The following FAAP100 variants were observed in gnomAD, a reference collection of about 807,000 sequenced individuals.
FAAP100 encodes Fanconi anemia core complex-associated protein 100.
FAAP100 carries 46 observed loss-of-function variants against 65.8 expected under a neutral mutation model. The ratio of observed to expected loss-of-function variants is 0.70; its 90% confidence interval spans 0.55 to 0.89. The LOEUF (loss-of-function observed/expected upper bound fraction) is 0.89, where lower values mean the gene tolerates loss of function less well. Ranked by LOEUF, FAAP100 falls within the 40% of genes least tolerant of loss-of-function variation. FAAP100 has a pLI of 0.00. For synonymous variants in FAAP100, 663 were observed against 555.1 expected (o/e 1.19, Z -2.73); for missense variants, 1,165 against 1,196.7 (o/e 0.97, Z 0.39).
chr17:81,548,307 T>A, intron 4 of FAAP100: 1 of 399,660 alleles, frequency 2.5e-6, no homozygotes, highest in South Asian at 5.5e-5. Flanking sequence ...GGGTGAGGAC[T>A]CAGCAGGGGA....
chr17:81,542,011 CAAAA>C (rs2033113236), intron 7 of FAAP100, among the ~76,000 whole-genome samples: 1 of 150,732 alleles, frequency 6.6e-6, no homozygotes, highest in Admixed American at 6.6e-5. Flanking sequence ...ACTAAAAATA[CAAAA>C]AATTAGCCGG....
chr17:81,546,128 A>G (rs140666941), intron 5 of FAAP100, among the ~76,000 whole-genome samples: 31 of 152,350 alleles, frequency 2.0e-4, no homozygotes, highest in South Asian at 4.1e-4. Flanking sequence ...GATCTGTGGA[A>G]GGTGAAAACC....
rs2033033324 is a variant in FAAP100, at chr17:81,540,251, G to A, written c.*568C>T. The A allele has an allele frequency of 2.5e-6, 1 of 399,036 alleles. No homozygotes were observed. The highest frequency in any genetic ancestry group is 4.4e-5 in the Admixed American group (1 of 22,760). The allele number at this position is 399,036 out of a possible 1,614,324, so 24.7% of individuals were successfully genotyped here. A position where few individuals can be genotyped will look rare whatever the true frequency, so the allele number is the denominator to read the frequency against. The stretch of plus-strand genomic sequence containing the variant: ...GCAGGAGCTCCCTGCATGCTGTTTT[G>A]TGCTTTGGTCTCAGGGAGCACCCTC... On this transcript the variant is annotated 3_prime_UTR_variant, in exon 9 of 9. Transcript: ENST00000327787.
chr17:81,547,836 T>C (rs2033367294), intron 4 of FAAP100, 158 bp from the exon 5 acceptor site: 2 of 945,768 alleles, frequency 2.1e-6, no homozygotes, highest in Non-Finnish European at 3.3e-6. Context: ...CCCAGGGGCA[T>C]GTTTCTCCCG....
chr17:81,547,676 A>G lies in FAAP100; in HGVS notation c.1406T>C (p.Val469Ala). ...GTCAACCGCCTTCTTTAGAAAAGAC[A>G]CTCTGCGAAGGACAGACATGACCCC... ...LSGIGNISER[V>A]SFLKKAVDQR... Residue 469 changes from valine (V) to alanine (A), a missense_variant and splice_region_variant, in exon 5 of 9, where the codon GTG becomes GCG. Transcript: ENST00000327787. 1 of 1,609,150 alleles carries G rather than the reference A, an allele frequency of 6.2e-7. No homozygotes were observed. The highest frequency in any genetic ancestry group is 1.3e-5 in the African/African-American group (1 of 74,906).
At chr17:81,542,246 G>C (rs1251546802) in intron 7 of FAAP100, among the ~76,000 whole-genome samples, 1 of 123,542 alleles carries the variant, frequency 8.1e-6, no homozygotes, top group African/African-American at 3.2e-5. Flanking sequence ...AAATCAGCCA[G>C]GCGTGGTGAC....
At chr17:81,541,259 G>A (rs768708470) in intron 8 of FAAP100, 50 bp downstream of exon 8, 82 of 1,533,176 alleles carry the variant, frequency 5.3e-5, no homozygotes, top group Middle Eastern at 1.9e-4. Context: ...GGCGATGGGC[G>A]CTCCTGGCTA....
Position 81,547,150 on chromosome 17 carries a change from C to T in FAAP100, c.1932G>A (p.Arg644=). 6.5e-7 allele frequency: 1 copy of T among 1,538,404 alleles called. No homozygotes were observed. The highest frequency in any genetic ancestry group is 2.3e-5 in the East Asian group (1 of 44,204). Residue 644 remains arginine (R), a synonymous_variant, in exon 5 of 9, where the codon AGG becomes AGA. Coordinates refer to ENST00000327787, the MANE Select transcript of FAAP100 (RefSeq NM_025161.6). The part of the protein sequence containing the change: ...EQEGVCLPLS[R]HTVDMLQCLR... ...GACACTGCAGCATGTCCACTGTGTG[C>T]CTGCTCAGGGGCAGGCAAACACCCT...
At chr17:81,541,916 A>G (rs61430049) in intron 7 of FAAP100, among the ~76,000 whole-genome samples, 22,201 of 152,092 alleles carry the variant, frequency 0.15, 1,988 homozygotes, top group African/African-American at 0.25. Context: ...CTGTAATCCC[A>G]GCACTTTGGG....
At chr17:81,541,117 G>A (rs906159078) in intron 8 of FAAP100, among the ~76,000 whole-genome samples, 167 bp from the exon 9 acceptor site, 16 of 152,178 alleles carry the variant, frequency 1.1e-4, no homozygotes, top group African/African-American at 3.1e-4. Context: ...AGCCTGGCCC[G>A]GACACCCAGC....
chr17:81,550,277 G>C lies in FAAP100; in HGVS notation c.1217C>G (p.Ser406Trp), dbSNP rs569693244. The part of the protein sequence containing the change: ...PASLNICSVV[S>W]LSASPRTHEG... ...ATGCGTCCTGGGAGACGCGGACAGCGAGACGACACTGCAGATGTTCAGGCT... is the reference window on the plus strand; with the variant it reads ...ATGCGTCCTGGGAGACGCGGACAGCCAGACGACACTGCAGATGTTCAGGCT... The change falls in exon 3 of 9, where the codon TCG becomes TGG. Residue 406 changes from serine (S) to tryptophan (W), a missense_variant. Ser to Trp is a radical substitution (Grantham distance 177, BLOSUM62 -3). Transcript: ENST00000327787. 6.2e-7 allele frequency: 1 copy of C among 1,608,462 alleles called. No individual in the cohort carries two copies. Among genetic ancestry groups the C allele is most frequent in the Non-Finnish European group, 8.5e-7 (1 of 1,177,208 alleles).
At position 81,550,450 on chromosome 17, in the gene FAAP100, G is replaced by A. The variant is rs748165235; in HGVS notation, c.1044C>T (p.Leu348=). 1.2e-6 allele frequency: 2 copies of A among 1,612,696 alleles called. No individual in the cohort carries two copies. Among genetic ancestry groups the A allele is most frequent in the Non-Finnish European group, 1.7e-6 (2 of 1,179,962 alleles). The change falls in exon 3 of 9, where the codon CTC becomes CTT. Residue 348 remains leucine (L), a synonymous_variant. Transcript: ENST00000327787. ...GGCCACCCCCGCCACAGGCAGCGCA[G>A]AGCACAGGGCCTGGGAGGCAGTACT... The part of the protein sequence containing the change: ...LREYCLPGPV[L]CAACGGGGRV...
rs369105235 is a variant in FAAP100, at chr17:81,547,597, T to C, written c.1485A>G (p.Ala495=). Residue 495 remains alanine, a synonymous_variant, in exon 5 of 9, where the codon GCA becomes GCG. Coordinates refer to ENST00000327787, the MANE Select transcript of FAAP100 (RefSeq NM_025161.6). ...SLNEAMNVSC[A]LLSSGTGPRP... The stretch of plus-strand genomic sequence containing the variant: ...TGGGGCCCGTGCCGCTTGACAGCAG[T>C]GCACAGCTCACGTTCATGGCCTCGT... The C allele has an allele frequency of 3.1e-6, 5 of 1,613,536 alleles. No individual in the cohort carries two copies. The highest frequency in any genetic ancestry group is 3.3e-5 in the Admixed American group (2 of 60,034).
At chr17:81,552,376 G>A, upstream of FAAP100, 1 of 1,308,684 alleles carries the variant, frequency 7.6e-7, no homozygotes, top group Non-Finnish European at 9.6e-7. Context: ...CCGCGCGGCG[G>A]CGGCTCCGCC....
At position 81,550,546 on chromosome 17, in the gene FAAP100, A is replaced by T; in HGVS notation, c.948T>A (p.Gly316=). 6.2e-7 allele frequency: 1 copy of T among 1,612,876 alleles called. No individual in the cohort carries two copies. Among genetic ancestry groups the T allele is most frequent in the Admixed American group, 1.7e-5 (1 of 60,036 alleles). The change falls in exon 3 of 9, where the codon GGT becomes GGA. Residue 316 remains glycine, a synonymous_variant. Transcript: ENST00000327787. ...DVHCDCLVAF[G]HHGRMLAIKA... is the part of the protein sequence containing the mutation. ...TGATGGCCAGCATCCGGCCGTGGTG[A>T]CCAAAGGCCACCAGGCAGTCACAGT...
intron 6 of FAAP100, among the ~76,000 whole-genome samples, chr17:81,544,514 C>A (rs926895138): frequency 8.5e-5 from 13 of 152,194 alleles, no homozygotes; most frequent in African/African-American, 2.4e-4. Context: ...TCCGTCCCCC[C>A]ACACCAGGCA....
At chr17:81,541,457 G>GAA in intron 7 of FAAP100, 62 bp from the exon 8 acceptor site, 2 of 1,441,822 alleles carry the variant, frequency 1.4e-6, no homozygotes. Context: ...CACACCCCTT[G>GAA]GAGCAGGGTG....
At chr17:81,541,235 C>A in intron 8 of FAAP100, 74 bp downstream of exon 8, 1 of 1,468,748 alleles carries the variant, frequency 6.8e-7, no homozygotes, top group Non-Finnish European at 9.4e-7. Context: ...CCCCGAGTGA[C>A]TAGAGGGGGG....
chr17:81,546,996 G>T lies in FAAP100; in HGVS notation c.2086C>A (p.Leu696Met). Residue 696 changes from leucine to methionine, a missense_variant, in exon 5 of 9, where the codon CTG (leucine) becomes ATG (methionine). Leu to Met is a conservative substitution (Grantham distance 15). Transcript: ENST00000327787. The stretch of plus-strand genomic sequence containing the variant: ...GATGGGGGCAGGTACTCGGCCCGCA[G>T]GGAGGCGGGTCCTGCTGGCTGGCTG... ...PGSQPAGPAS[L>M]RAEYLPPSVA... 1 of 1,518,506 alleles carries T rather than the reference G, an allele frequency of 6.6e-7. No homozygotes were observed. The highest frequency in any genetic ancestry group is 8.8e-7 in the Non-Finnish European group (1 of 1,133,312). 94.1% of individuals were successfully genotyped at this position (1,518,506 alleles called of 1,614,324 possible).
Sources: gnomAD v4.1 joint callset for allele counts (sites outside exome capture counted in the v4.1 genomes callset) on GRCh38, gnomAD v4.1.1 for gene constraint, MANE v1.5 for transcripts, NCBI Gene and HGNC (gene_info 2026-07-23, HGNC 2026-07-21) for gene names.